TMEM100: variants seen among roughly 807,000 people sequenced by gnomAD.
TMEM100 encodes the protein transmembrane protein 100.
For synonymous variants in TMEM100, 61 were observed against 67.1 expected, an observed-to-expected ratio of 0.91 and a Z score of 0.44; for missense variants, 137 against 168.2, an observed-to-expected ratio of 0.81 and a Z score of 1.02.
upstream of TMEM100, among the ~76,000 whole-genome samples, chr17:55,726,225 C>T (rs530197679): frequency 4.1e-4 from 62 of 152,292 alleles, no homozygotes; most frequent in Admixed American, 2.4e-3. Context: ...GAGCTGGGAA[C>T]ATTTGCTGTT....
At chr17:55,726,621 A>C (rs1188244593), upstream of TMEM100, among the ~76,000 whole-genome samples, 1 of 152,184 alleles carries the variant, frequency 6.6e-6, no homozygotes, top group African/African-American at 2.4e-5. Flanking sequence ...TGAGGATGCC[A>C]GTTCCTCTTG....
chr17:55,724,220 C>A (rs538794910), upstream of TMEM100, among the ~76,000 whole-genome samples: 13 of 152,334 alleles, frequency 8.5e-5, no homozygotes, highest in Non-Finnish European at 1.6e-4. Context: ...CCACAGCACA[C>A]TCTCTCCAGC....
At chr17:55,730,906 C>G (rs977803966) in intron 1 of TMEM100, among the ~76,000 whole-genome samples, 2 of 152,118 alleles carry the variant, frequency 1.3e-5, no homozygotes, top group Non-Finnish European at 2.9e-5. Context: ...TTCTTGTTTA[C>G]TTAAATAAAC....
upstream of TMEM100, chr17:55,722,926 A>AT (rs373617274): frequency 7.5e-3 from 1,056 of 140,824 alleles, 9 homozygotes; most frequent in African/African-American, 0.023. Flanking sequence ...CCTCCCTAAC[A>AT]TTTTTTTTTT....
intron 1 of TMEM100, among the ~76,000 whole-genome samples, chr17:55,729,641 CA>C (rs1407782002): frequency 6.6e-6 from 1 of 151,900 alleles, no homozygotes; most frequent in Non-Finnish European, 1.5e-5. Context: ...TATGCATATG[CA>C]CACACACACA....
intron 1 of TMEM100, among the ~76,000 whole-genome samples, chr17:55,728,295 G>A (rs1909122383): frequency 6.6e-6 from 1 of 152,054 alleles, no homozygotes; most frequent in Non-Finnish European, 1.5e-5. Context: ...CCTAAGTTTA[G>A]CTTAAGTCTC....
intron 1 of TMEM100, among the ~76,000 whole-genome samples, chr17:55,729,673 A>G (rs868107333): frequency 2.0e-5 from 3 of 152,174 alleles, no homozygotes; most frequent in Non-Finnish European, 2.9e-5. Context: ...CACACATACA[A>G]TATATACACA....
At chr17:55,725,666 C>G (rs1205987840), upstream of TMEM100, among the ~76,000 whole-genome samples, 1 of 150,426 alleles carries the variant, frequency 6.6e-6, no homozygotes, top group Non-Finnish European at 1.5e-5. Flanking sequence ...CTGGATTTTA[C>G]TCTGTTGTCC....
chr17:55,727,263 T>C (rs1245824610), upstream of TMEM100, among the ~76,000 whole-genome samples: 2 of 152,252 alleles, frequency 1.3e-5, no homozygotes, highest in Non-Finnish European at 2.9e-5. Context: ...CATCGCATTT[T>C]ATGTTTATGT....
upstream of TMEM100, among the ~76,000 whole-genome samples, chr17:55,725,869 C>G (rs939103704): frequency 6.6e-6 from 1 of 152,048 alleles, no homozygotes; most frequent in African/African-American, 2.4e-5. Context: ...TCCAAAGCCC[C>G]CATTCTGATG....
upstream of TMEM100, chr17:55,723,127 C>T (rs956667709): frequency 2.0e-5 from 3 of 152,766 alleles, no homozygotes; most frequent in Non-Finnish European, 4.4e-5. Flanking sequence ...CCCCGCCGAC[C>T]TCCAGATCTT....
At chr17:55,728,154 AAC>A (rs1387150370) in intron 1 of TMEM100, among the ~76,000 whole-genome samples, 2 of 152,226 alleles carry the variant, frequency 1.3e-5, no homozygotes, top group Admixed American at 1.3e-4. Context: ...TACTACCCAT[AAC>A]ACAGTCATCT....
rs1304765080 is a variant in TMEM100, at chr17:55,719,826, C to T, written c.*840G>A. ...GGAACCTGTCCATTTGAGAGAAATA[C>T]AATTGAGAACTTGCAAATGAGACAA... is the stretch of plus-strand genomic sequence containing the variant. On this transcript the variant is annotated 3_prime_UTR_variant, in exon 2 of 2. Transcript: ENST00000424486. 4 of 152,516 alleles carry T rather than the reference C, an allele frequency of 2.6e-5. No individual in the cohort carries two copies. Among genetic ancestry groups the T allele is most frequent in the Non-Finnish European group, 5.9e-5 (4 of 68,022 alleles). The allele number at this position is 152,516 out of a possible 1,614,324, so 9.4% of individuals were successfully genotyped here. A position where few individuals can be genotyped will look rare whatever the true frequency, so the allele number is the denominator to read the frequency against.
chr17:55,730,715 C>G (rs899591067), intron 1 of TMEM100, among the ~76,000 whole-genome samples: 1 of 152,118 alleles, frequency 6.6e-6, no homozygotes, highest in Non-Finnish European at 1.5e-5. Context: ...TTGATATTCA[C>G]GATGTGTGTG....
chr17:55,730,350 A>G (rs1597958191), intron 1 of TMEM100, among the ~76,000 whole-genome samples: 1 of 152,342 alleles, frequency 6.6e-6, no homozygotes, highest in East Asian at 1.9e-4. Flanking sequence ...TACATTAATT[A>G]TTCCTTATCA....
chr17:55,725,917 C>G (rs1909058639), upstream of TMEM100, among the ~76,000 whole-genome samples: 1 of 152,070 alleles, frequency 6.6e-6, no homozygotes, highest in African/African-American at 2.4e-5. Context: ...GAAAAGAATT[C>G]GTAATCTTTG....
rs1908835594 is a variant in TMEM100, at chr17:55,720,571, A to C, written c.*95T>G. ...CATTCTTCCAGTCTGCTCCAACGCCAAGTCTGTTCTCTCCCACCATGGTTC... is the reference window on the plus strand; with the variant it reads ...CATTCTTCCAGTCTGCTCCAACGCCCAGTCTGTTCTCTCCCACCATGGTTC... On this transcript the variant is annotated 3_prime_UTR_variant, in exon 2 of 2. Transcript: ENST00000424486. 8.7e-6 allele frequency: 9 copies of C among 1,039,292 alleles called. No homozygotes were observed. Among genetic ancestry groups the C allele is most frequent in the East Asian group, 4.6e-5 (1 of 21,728 alleles). 64.4% of individuals were successfully genotyped at this position (1,039,292 alleles called of 1,614,324 possible).
At chr17:55,727,329 A>G (rs911509937), upstream of TMEM100, among the ~76,000 whole-genome samples, 1 of 152,226 alleles carries the variant, frequency 6.6e-6, no homozygotes, top group Non-Finnish European at 1.5e-5. Flanking sequence ...AGTTACCTCA[A>G]AATGGGCTGA....
chr17:55,723,183 G>T (rs1237366120), upstream of TMEM100, among the ~76,000 whole-genome samples: 1 of 152,186 alleles, frequency 6.6e-6, no homozygotes, highest in African/African-American at 2.4e-5. Context: ...CAGAGTCAGC[G>T]TTGCAGACCC....
Sources: gnomAD v4.1 joint callset for allele counts (sites outside exome capture counted in the v4.1 genomes callset) on GRCh38, gnomAD v4.1.1 for gene constraint, MANE v1.5 for transcripts, NCBI Gene and HGNC (gene_info 2026-07-23, HGNC 2026-07-21) for gene names.